CLRN1: variants seen among roughly 807,000 people sequenced by gnomAD.
CLRN1 encodes clarin-1.
Under a neutral mutation model 18.7 loss-of-function variants are expected in CLRN1, and 15 were observed. The ratio of observed to expected loss-of-function variants is 0.80; its 90% CI spans 0.54 to 1.23. CLRN1 has a LOEUF of 1.23. CLRN1 is among the 50% of genes most tolerant of loss of function. CLRN1 has a pLI of 0.00. For synonymous variants in CLRN1, 104 were observed against 102.9 expected, an observed-to-expected ratio of 1.01 and a Z score of -0.07; for missense variants, 311 against 277.5, an observed-to-expected ratio of 1.12 and a Z score of -0.86.
chr3:150,944,950 T>C (rs753318799), intron 1 of CLRN1, among the ~76,000 whole-genome samples: 1 of 152,142 alleles, frequency 6.6e-6, no homozygotes, highest in Non-Finnish European at 1.5e-5. Context: ...AAATGTCAAA[T>C]AGGATTTATG....
chr3:150,951,579 C>T (rs1468303826), intron 1 of CLRN1, among the ~76,000 whole-genome samples: 3 of 152,162 alleles, frequency 2.0e-5, no homozygotes, highest in African/African-American at 7.2e-5. Flanking sequence ...CTCAAATCAT[C>T]TTCCTGCCTG....
chr3:150,942,604 TGGA>T, intron 1 of CLRN1: 1 of 455,712 alleles, frequency 2.2e-6, no homozygotes, highest in Non-Finnish European at 4.4e-6. Context: ...TAAAACAAGA[TGGA>T]CAAGATTCCT....
downstream of CLRN1, chr3:150,926,478 C>CA (rs11366223): frequency 0.083 from 26,353 of 317,314 alleles, 546 homozygotes; most frequent in East Asian, 0.31. Context: ...AGCCTGTTAC[C>CA]AAAAAAAAAA....
intron 1 of CLRN1, chr3:150,944,020 A>G (rs1227972783): frequency 2.0e-6 from 2 of 1,007,294 alleles, no homozygotes; most frequent in Non-Finnish European, 3.0e-6. Context: ...AGTTTCAGAT[A>G]GTGATACATA....
intron 2 of CLRN1, among the ~76,000 whole-genome samples, chr3:150,933,539 G>A (rs1713281776): frequency 1.3e-5 from 2 of 152,104 alleles, no homozygotes; most frequent in African/African-American, 4.8e-5. Context: ...AGTGAAGAGG[G>A]GAGGAAGGTA....
chr3:150,951,236 G>A (rs1363797642), intron 1 of CLRN1, among the ~76,000 whole-genome samples: 2 of 151,964 alleles, frequency 1.3e-5, no homozygotes, highest in Non-Finnish European at 2.9e-5. Context: ...ACTTTTACAG[G>A]TACCCCCAAA....
At chr3:150,945,242 T>TC (rs1714103020) in intron 1 of CLRN1, among the ~76,000 whole-genome samples, 3 of 151,876 alleles carry the variant, frequency 2.0e-5, no homozygotes, top group Admixed American at 2.0e-4. Flanking sequence ...GCCCTGGGGC[T>TC]CCCCCATGTC....
chr3:150,934,536 C>T (rs1330818470), intron 2 of CLRN1, among the ~76,000 whole-genome samples: 1 of 152,168 alleles, frequency 6.6e-6, no homozygotes, highest in Non-Finnish European at 1.5e-5. Flanking sequence ...AAGGCCTGAA[C>T]CAATACCTTT....
At chr3:150,968,515 G>A (rs1251085266) in intron 1 of CLRN1, among the ~76,000 whole-genome samples, 1 of 152,202 alleles carries the variant, frequency 6.6e-6, no homozygotes, top group Non-Finnish European at 1.5e-5. Context: ...CAGCGTAACT[G>A]GGCATGCTGG....
chr3:150,953,831 A>G (rs1057290101), intron 1 of CLRN1, among the ~76,000 whole-genome samples: 3 of 152,188 alleles, frequency 2.0e-5, no homozygotes, highest in Non-Finnish European at 4.4e-5. Context: ...TACTTTATAT[A>G]TATAAAACAT....
At chr3:150,948,867 G>A (rs938484462) in intron 1 of CLRN1, among the ~76,000 whole-genome samples, 4 of 152,116 alleles carry the variant, frequency 2.6e-5, no homozygotes, top group Admixed American at 2.6e-4. Flanking sequence ...TAGGAGGCCA[G>A]CATCATTCTG....
intron 1 of CLRN1, among the ~76,000 whole-genome samples, chr3:150,963,519 C>T (rs1715125796): frequency 6.6e-6 from 1 of 152,130 alleles, no homozygotes; most frequent in African/African-American, 2.4e-5. Flanking sequence ...AATGCTTTTC[C>T]CATCAAGCTA....
intron 2 of CLRN1, among the ~76,000 whole-genome samples, chr3:150,941,138 GTCTATCTA>G (rs59227042): frequency 0.15 from 21,373 of 141,448 alleles, 1,880 homozygotes; most frequent in African/African-American, 0.23. Flanking sequence ...CTGTCTGTCT[GTCTATCTA>G]TCTATCTATC....
intron 1 of CLRN1, among the ~76,000 whole-genome samples, chr3:150,969,866 C>CT (rs1428816806): frequency 1.3e-5 from 2 of 151,986 alleles, no homozygotes; most frequent in African/African-American, 4.8e-5. Flanking sequence ...GTCCCAGCTA[C>CT]TTGGGAGGCT....
At chr3:150,937,149 G>A (rs1370743897) in intron 2 of CLRN1, among the ~76,000 whole-genome samples, 1 of 151,990 alleles carries the variant, frequency 6.6e-6, no homozygotes, top group East Asian at 1.9e-4. Flanking sequence ...CTGGTGAAAG[G>A]CAATACTATT....
At chr3:150,968,621 G>A (rs1715375645) in intron 1 of CLRN1, among the ~76,000 whole-genome samples, 1 of 152,092 alleles carries the variant, frequency 6.6e-6, no homozygotes, top group Non-Finnish European at 1.5e-5. Context: ...CTATTTTTCT[G>A]GTCCATTTTT....
chr3:150,944,045 A>C, intron 1 of CLRN1: 1 of 874,648 alleles, frequency 1.1e-6, no homozygotes, highest in Non-Finnish European at 1.8e-6. Flanking sequence ...GGAGAAATAA[A>C]ATAGGGTAAT....
intron 1 of CLRN1, among the ~76,000 whole-genome samples, chr3:150,951,327 T>C (rs1426525195): frequency 1.4e-5 from 2 of 139,596 alleles, no homozygotes; most frequent in Admixed American, 7.8e-5. Context: ...AAGAAATACC[T>C]GAGTCTGGGT....
intron 1 of CLRN1, among the ~76,000 whole-genome samples, chr3:150,965,130 T>C (rs769618630): frequency 1.3e-5 from 2 of 152,170 alleles, no homozygotes; most frequent in Non-Finnish European, 2.9e-5. Flanking sequence ...CTTTTTCATA[T>C]TCTAAGGGGG....
Sources: gnomAD v4.1 joint callset for allele counts (sites outside exome capture counted in the v4.1 genomes callset) on GRCh38, gnomAD v4.1.1 for gene constraint, MANE v1.5 for transcripts, NCBI Gene and HGNC (gene_info 2026-07-23, HGNC 2026-07-21) for gene names.